KIR3DL1: variants seen among roughly 807,000 people sequenced by gnomAD.
The protein encoded by KIR3DL1 is killer cell immunoglobulin like receptor, three Ig domains and long cytoplasmic tail 1, also known as killer cell immunoglobulin-like receptor 3DL1.
Under a neutral mutation model 40.3 loss-of-function variants are expected in KIR3DL1, and 50 were observed. That is an observed-to-expected ratio of 1.24 (90% CI 0.99 to 1.57). KIR3DL1 has a LOEUF of 1.57. Ranked by LOEUF, KIR3DL1 falls within the 40% of genes most tolerant of loss-of-function variation. The pLI is 0.00. For missense variants in KIR3DL1, 661 were observed against 559.9 expected, an observed-to-expected ratio of 1.18 and a Z score of -1.82; for synonymous variants, 257 against 207.2, an observed-to-expected ratio of 1.24 and a Z score of -2.07.
intron 6 of KIR3DL1, among the ~76,000 whole-genome samples, chr19:54,828,160 A>G (rs1326466026): frequency 1.3e-5 from 2 of 151,014 alleles, no homozygotes; most frequent in African/African-American, 4.9e-5. Context: ...AGCACATTTC[A>G]CACGGGCTTC....
At position 54,829,478 on chromosome 19, in the gene KIR3DL1, G is replaced by C. The variant is rs62124154; in HGVS notation, c.1105+13G>C. 567,560 of 1,394,548 alleles carry C rather than the reference G, an allele frequency of 0.41. 173,636 individuals are homozygous for C. Among genetic ancestry groups the C allele is most frequent in the Non-Finnish European group, 0.43 (444,472 of 1,025,950 alleles). 86.4% of individuals were successfully genotyped at this position (1,394,548 alleles called of 1,614,324 possible). A position where few individuals can be genotyped will look rare whatever the true frequency, so the allele number is the denominator to read the frequency against. On this transcript the variant is annotated intron_variant, in intron 7 of 8. Coordinates refer to ENST00000391728, the Ensembl canonical transcript of KIR3DL1. ...TCCAACAAAAAAAGTAAGTCTCACG[G>C]GGCACAGGCCAGAGAGCTCAGGGCC... is the stretch of plus-strand genomic sequence containing the variant.
chr19:54,819,405 C>T (rs1405668713), intron 3 of KIR3DL1, among the ~76,000 whole-genome samples: 1 of 129,474 alleles, frequency 7.7e-6, no homozygotes, highest in East Asian at 2.4e-4. Context: ...GACATGCAGC[C>T]TGTCCTCTTC....
chr19:54,823,546 G>A (rs1046607598), intron 5 of KIR3DL1, among the ~76,000 whole-genome samples: 1 of 151,204 alleles, frequency 6.6e-6, no homozygotes, highest in Non-Finnish European at 1.5e-5. Context: ...CTCCCAGGCT[G>A]GAGTGCAAGG....
At chr19:54,822,936 C>T (rs2061709861) in intron 5 of KIR3DL1, among the ~76,000 whole-genome samples, 1 of 148,124 alleles carries the variant, frequency 6.8e-6, no homozygotes, top group African/African-American at 2.5e-5. Flanking sequence ...AGTGCTGGAA[C>T]AGTCATATGA....
rs1478870426 is a variant in KIR3DL1 at position 54,825,133 on chromosome 19, C to T, written c.1000+55C>T. 3.3e-5 allele frequency: 39 copies of T among 1,188,096 alleles called. 1 individual carries two copies. The South Asian group carries it at 4.5e-4, about 14-fold the overall frequency. 73.6% of individuals were successfully genotyped at this position (1,188,096 alleles called of 1,614,324 possible). A position where few individuals can be genotyped will look rare whatever the true frequency, so the allele number is the denominator to read the frequency against. On this transcript the variant is annotated intron_variant, in intron 6 of 8. Transcript: ENST00000391728. ...TTTGGAAACCTGGGGAGGTGGAAGC[C>T]TTGGATGCAAGTGTTGGCTCAAACC...
Position 54,822,374 on chromosome 19 carries a change from C to T in KIR3DL1, c.949+516C>T, listed in dbSNP as rs1192203063. 5.3e-5 allele frequency among the ~76,000 whole-genome samples: 8 copies of T among 151,310 alleles called. 1 individual carries two copies. Among genetic ancestry groups the T allele is most frequent in the East Asian group, 3.9e-4 (2 of 5,176 alleles). ...GTGTGGTGGTTCACGGTTGTAATCT[C>T]GGCGCTTTGAGAGGCCAAGGAAGGT... On this transcript the variant is annotated intron_variant, in intron 5 of 8. Transcript: ENST00000391728.
At chr19:54,825,645 T>C (rs1293615057) in intron 6 of KIR3DL1, among the ~76,000 whole-genome samples, 1 of 150,138 alleles carries the variant, frequency 6.7e-6, no homozygotes, top group Non-Finnish European at 1.5e-5. Context: ...TTCCACAAGA[T>C]TCGTGGGTGA....
At chr19:54,828,275 A>G (rs1264783925) in intron 6 of KIR3DL1, among the ~76,000 whole-genome samples, 2 of 151,296 alleles carry the variant, frequency 1.3e-5, no homozygotes, top group East Asian at 1.9e-4. Flanking sequence ...TGTTTAACTC[A>G]AGAATGCCGT....
chr19:54,816,587 C>G (rs1314278020), intron 1 of KIR3DL1, 53 bp downstream of exon 1: 23 of 1,508,382 alleles, frequency 1.5e-5, no homozygotes, highest in South Asian at 2.4e-5. Flanking sequence ...AGATCTGGAC[C>G]TGGAGGTAAA....
chr19:54,829,410 C>A lies in KIR3DL1; in HGVS notation c.1050C>A (p.Ile350=), dbSNP rs374398136. The A allele has an allele frequency of 2.7e-6, 4 of 1,503,904 alleles. 1 individual carries two copies. The highest frequency in any genetic ancestry group is 1.2e-5 in the South Asian group (1 of 80,644). 93.2% of individuals were successfully genotyped at this position (1,503,904 alleles called of 1,614,324 possible). The stretch of plus-strand genomic sequence containing the variant: ...TGATTGGGACCTCAGTGGTCATCAT[C>A]CTCTTCATCCTCCTCCTCTTCTTTC... The change falls in exon 7 of 9, where the codon ATC becomes ATA. Residue 350 remains isoleucine, a synonymous_variant. Coordinates refer to ENST00000391728, the Ensembl canonical transcript of KIR3DL1.
chr19:54,829,390 G>A, exon 7 of KIR3DL1: 1 of 1,502,326 alleles, frequency 6.7e-7, no homozygotes, highest in Non-Finnish European at 9.1e-7. Context: ...CATTCTGATT[G>A]GGACCTCAGT....
chr19:54,817,232 G>C (rs201180599), intron 1 of KIR3DL1, among the ~76,000 whole-genome samples: 1 of 137,398 alleles, frequency 7.3e-6, no homozygotes, highest in Non-Finnish European at 1.6e-5. Context: ...CTGGAGTGGA[G>C]ATATGGGCCT....
intron 5 of KIR3DL1, 57 bp downstream of exon 5, chr19:54,821,915 G>A: frequency 6.5e-7 from 1 of 1,542,374 alleles, no homozygotes; most frequent in Admixed American, 1.7e-5. Context: ...TAGCTAAGGA[G>A]CTTCCTGCTG....
intron 6 of KIR3DL1, among the ~76,000 whole-genome samples, chr19:54,825,722 C>G (rs1254102977): frequency 6.8e-6 from 1 of 147,116 alleles, no homozygotes; most frequent in Non-Finnish European, 1.5e-5. Context: ...TCTTACTGGG[C>G]TAAAATCAAG....
chr19:54,822,582 C>T (rs2061693467), intron 5 of KIR3DL1, among the ~76,000 whole-genome samples: 2 of 150,498 alleles, frequency 1.3e-5, no homozygotes, highest in Non-Finnish European at 3.0e-5. Flanking sequence ...GAGCCGAGAT[C>T]ATGCCACTGC....
exon 4 of KIR3DL1, chr19:54,819,865 C>A: frequency 6.2e-7 from 1 of 1,612,210 alleles, no homozygotes; most frequent in Non-Finnish European, 8.5e-7. Flanking sequence ...CCTCGTTGGA[C>A]AGATCCATGA....
rs368755115 is a variant in KIR3DL1 at position 54,817,225 on chromosome 19, G to A, written c.35-309G>A. On this transcript the variant is annotated intron_variant, in intron 1 of 8. Coordinates refer to ENST00000391728, the Ensembl canonical transcript of KIR3DL1. ...AGCCTGGAGTTGAGATAGGAGCCTG[G>A]AGTGGAGATATGGGCCTGGAGTGGA... 7.5e-5 allele frequency among the ~76,000 whole-genome samples: 11 copies of A among 146,026 alleles called. 1 individual carries two copies. The East Asian group carries it at 8.3e-4, about 11-fold the overall frequency.
rs1440339587 is a variant in KIR3DL1, at chr19:54,828,225, T to C, written c.1001-1136T>C. ...AGAATTCTACTTCGCTTTTTTTATATTGATTTCACTTTTGTTTCCTTTTCT... is the reference window on the plus strand; with the variant it reads ...AGAATTCTACTTCGCTTTTTTTATACTGATTTCACTTTTGTTTCCTTTTCT... On this transcript the variant is annotated intron_variant, in intron 6 of 8. Coordinates refer to ENST00000391728, the Ensembl canonical transcript of KIR3DL1. Among the ~76,000 whole-genome samples the C allele has an allele frequency of 2.0e-5, 3 of 151,170 alleles. No individual in the cohort carries two copies. In the East Asian group the frequency reaches 5.8e-4, roughly 29 times the overall value.
At chr19:54,824,186 C>G (rs2061771296) in intron 5 of KIR3DL1, among the ~76,000 whole-genome samples, 1 of 151,468 alleles carries the variant, frequency 6.6e-6, no homozygotes, top group Non-Finnish European at 1.5e-5. Context: ...AATGTCTTCC[C>G]CATTATTTTC....
Sources: allele counts gnomAD v4.1 joint callset (sites outside exome capture counted in the v4.1 genomes callset), GRCh38; gene constraint gnomAD v4.1.1; transcripts MANE v1.5; gene names NCBI Gene and HGNC (gene_info 2026-07-23, HGNC 2026-07-21).